DUX4: variants seen among roughly 807,000 people sequenced by gnomAD.
DUX4 encodes double homeobox 4, also known as double homeobox protein 4.
At chr4:190,177,209 AG>A (rs1742352039), downstream of DUX4, among the ~76,000 whole-genome samples, 1 of 123,912 alleles carries the variant, frequency 8.1e-6, no homozygotes, top group Non-Finnish European at 1.8e-5. Flanking sequence ...GGCAGAGCCT[AG>A]ATGAGTGTTA....
downstream of DUX4, among the ~76,000 whole-genome samples, chr4:190,179,627 G>A (rs1742506610): frequency 6.6e-6 from 1 of 152,246 alleles, no homozygotes; most frequent in African/African-American, 2.4e-5. Flanking sequence ...TGGGAGATCA[G>A]TGCAGAGATA....
downstream of DUX4, among the ~76,000 whole-genome samples, chr4:190,178,577 G>A (rs1290729596): frequency 0.055 from 4,017 of 73,276 alleles, 32 homozygotes; most frequent in East Asian, 0.21. Context: ...TAGGCAGAGG[G>A]TAGACAAGAG....
At chr4:190,178,230 A>G (rs2126572210), downstream of DUX4, among the ~76,000 whole-genome samples, 14 of 151,600 alleles carry the variant, frequency 9.2e-5, no homozygotes, top group East Asian at 1.9e-4. Context: ...CTGTAGGCAG[A>G]GCATAGAGAA....
chr4:190,177,920 G>A (rs1553983368), downstream of DUX4, among the ~76,000 whole-genome samples: 1 of 6,356 alleles, frequency 1.6e-4, no homozygotes, highest in African/African-American at 7.7e-4. Context: ...TGGGTGATCA[G>A]TGTGGAGATA....
chr4:190,175,620 G>T lies in DUX4; in HGVS notation c.*237-27G>T, dbSNP rs1241337340. On this transcript the variant is annotated intron_variant, in intron 1 of 1. Transcript: ENST00000565211. Reference sequence around the variant, plus strand: ...GCCTGGCGGTCAAAAGCATACCTCTGTCTGTCTTTGCCCGCTTCCTGGCTA... The same window carrying T: ...GCCTGGCGGTCAAAAGCATACCTCTTTCTGTCTTTGCCCGCTTCCTGGCTA... 6 of 120,562 alleles carry T rather than the reference G, an allele frequency of 5.0e-5. 1 individual carries two copies. The highest frequency in any genetic ancestry group is 2.5e-4 in the African/African-American group (6 of 24,482). 7.5% of individuals were successfully genotyped at this position (120,562 alleles called of 1,614,324 possible).
chr4:190,181,306 C>G (rs1742563243), intron 1 of DUX4, among the ~76,000 whole-genome samples: 4 of 90,604 alleles, frequency 4.4e-5, no homozygotes, highest in East Asian at 3.7e-4. Flanking sequence ...TAGGCAGAGC[C>G]TAAAGAAGAG....
downstream of DUX4, among the ~76,000 whole-genome samples, chr4:190,177,750 G>A (rs1742383820): frequency 1.7e-3 from 241 of 141,106 alleles, no homozygotes; most frequent in East Asian, 2.4e-3. Flanking sequence ...TGTAGGCAGA[G>A]CCTAGACAAG....
chr4:190,179,038 C>CAA (rs1742473613), downstream of DUX4, among the ~76,000 whole-genome samples: 1 of 15,802 alleles, frequency 6.3e-5, no homozygotes, highest in Non-Finnish European at 1.4e-4. Flanking sequence ...CACAAAGTCC[C>CAA]TTTAGGCAGA....
At chr4:190,176,645 C>G (rs1233348971), downstream of DUX4, among the ~76,000 whole-genome samples, 3 of 123,326 alleles carry the variant, frequency 2.4e-5, no homozygotes, top group African/African-American at 5.2e-5. Flanking sequence ...TCACAAAGCC[C>G]CTGTAGGCAG....
downstream of DUX4, among the ~76,000 whole-genome samples, chr4:190,178,705 G>GTC (rs1579834605): frequency 1.1e-4 from 13 of 121,052 alleles, no homozygotes; most frequent in East Asian, 5.0e-4. Flanking sequence ...GCTCCTGTAG[G>GTC]CAGAGCTTAG....
At chr4:190,179,510 A>AT (rs1742499699), downstream of DUX4, among the ~76,000 whole-genome samples, 209 of 124,146 alleles carry the variant, frequency 1.7e-3, no homozygotes, top group Admixed American at 2.7e-3. Context: ...ATATGTCACA[A>AT]GCCCCCTGTA....
At chr4:190,178,257 G>T (rs1579833960), downstream of DUX4, among the ~76,000 whole-genome samples, 9 of 122,162 alleles carry the variant, frequency 7.4e-5, no homozygotes, top group African/African-American at 1.2e-4. Context: ...CATCACCTGG[G>T]TGATCAGTGT....
downstream of DUX4, among the ~76,000 whole-genome samples, chr4:190,176,457 G>A (rs1250140415): frequency 6.4e-4 from 71 of 110,204 alleles, 23 homozygotes; most frequent in Middle Eastern, 7.6e-3. Flanking sequence ...GCAGGGCCTA[G>A]ACAAGTGTTA....
At chr4:190,181,307 TAA>T (rs1306945418) in intron 1 of DUX4, among the ~76,000 whole-genome samples, 473 of 18,772 alleles carry the variant, frequency 0.025, 5 homozygotes, top group Middle Eastern at 0.038. Context: ...AGGCAGAGCC[TAA>T]AGAAGAGTCC....
downstream of DUX4, among the ~76,000 whole-genome samples, chr4:190,177,447 A>ACTTCCCCTGTAGACGCAGTGTAGAC (rs1742367881): frequency 1.3e-5 from 2 of 150,592 alleles, no homozygotes; most frequent in Non-Finnish European, 3.0e-5. Context: ...TGATCAGTGC[A>ACTTCCCCTGTAGACGCAGTGTAGAC]AAGATATGTC....
downstream of DUX4, among the ~76,000 whole-genome samples, chr4:190,178,586 A>AGC (rs1742435570): frequency 7.8e-6 from 1 of 127,932 alleles, no homozygotes; most frequent in Admixed American, 7.7e-5. Flanking sequence ...GGTAGACAAG[A>AGC]GTTACATCAC....
chr4:190,175,245 G>A lies in DUX4; in HGVS notation c.*197G>A, dbSNP rs1474178732. The A allele has an allele frequency of 2.2e-4, 35 of 155,726 alleles. No homozygotes were observed. The highest frequency in any genetic ancestry group is 6.7e-4 in the African/African-American group (24 of 35,962). 9.6% of individuals were successfully genotyped at this position (155,726 alleles called of 1,614,324 possible). A position where few individuals can be genotyped will look rare whatever the true frequency, so the allele number is the denominator to read the frequency against. ...CGCGGAGAACTGCCTTTCTTTCCTG[G>A]GCATCCCGGGGATCCCAGAGCCGGC... On this transcript the variant is annotated 3_prime_UTR_variant, in exon 1 of 2. Transcript: ENST00000565211.
chr4:190,177,981 G>A (rs1742397499), downstream of DUX4, among the ~76,000 whole-genome samples: 11 of 151,090 alleles, frequency 7.3e-5, no homozygotes, highest in East Asian at 4.0e-4. Context: ...ACATCACCTG[G>A]GTGATCAGGG....
downstream of DUX4, among the ~76,000 whole-genome samples, chr4:190,176,359 G>A (rs1468421295): frequency 0.96 from 103,413 of 107,954 alleles, 50,137 homozygotes; most frequent in Non-Finnish European, 1. Flanking sequence ...GTGCAGAGAT[G>A]TGTCAAAACG....
Sources: gnomAD v4.1 joint callset for allele counts (sites outside exome capture counted in the v4.1 genomes callset) on GRCh38, gnomAD v4.1.1 for gene constraint, MANE v1.5 for transcripts, NCBI Gene and HGNC (gene_info 2026-07-23, HGNC 2026-07-21) for gene names.